Variants in NBAS observed in about 807,000 individuals in gnomAD.
NBAS encodes NBAS subunit of NRZ tethering complex, also known as NAG/BC035112 fusion.
Under a neutral mutation model 302.5 loss-of-function variants are expected in NBAS, and 219 were observed. The ratio of observed to expected loss-of-function variants is 0.72; its 90% CI spans 0.65 to 0.81. The LOEUF is 0.81. NBAS is among the 30% of genes least tolerant of loss of function. NBAS has a pLI of 0.00. For missense variants in NBAS, 2,932 were observed against 2,841.6 expected (o/e 1.03, Z -0.72); for synonymous variants, 1,118 against 1,021.6 (o/e 1.09, Z -1.80).
chr2:15,295,860 C>T (rs569461342), intron 40 of NBAS, among the ~76,000 whole-genome samples: 1 of 152,110 alleles, frequency 6.6e-6, no homozygotes, highest in South Asian at 2.1e-4. Flanking sequence ...AAACAAGATA[C>T]CTCCTATCTA....
intron 12 of NBAS, among the ~76,000 whole-genome samples, chr2:15,481,526 A>G (rs1167672269): frequency 2.6e-5 from 4 of 152,132 alleles, no homozygotes; most frequent in Non-Finnish European, 5.9e-5. Context: ...CACCATGTGA[A>G]TACATTTCAA....
At chr2:15,445,622 T>A (rs1290818063) in intron 21 of NBAS, among the ~76,000 whole-genome samples, 1 of 151,752 alleles carries the variant, frequency 6.6e-6, no homozygotes, top group African/African-American at 2.4e-5. Flanking sequence ...AACCCGCACA[T>A]TGTGTCCATG....
the NBAS span, among the ~76,000 whole-genome samples, chr2:15,087,569 C>T: frequency 0.068 from 10,417 of 152,222 alleles, 862 homozygotes; most frequent in African/African-American, 0.18. Flanking sequence ...TAAATGTTCT[C>T]AGAGAACTCG....
At chr2:15,256,968 A>AT (rs1668628766) in intron 44 of NBAS, among the ~76,000 whole-genome samples, 1 of 151,914 alleles carries the variant, frequency 6.6e-6, no homozygotes, top group Non-Finnish European at 1.5e-5. Flanking sequence ...TTTGTTGAGG[A>AT]TTTTTGCATC....
chr2:15,459,540 G>A (rs1166882595), intron 21 of NBAS, among the ~76,000 whole-genome samples: 2 of 142,238 alleles, frequency 1.4e-5, no homozygotes, highest in African/African-American at 5.3e-5. Context: ...TGTCACCCAG[G>A]GGTGCGATAG....
intron 5 of NBAS, among the ~76,000 whole-genome samples, chr2:15,552,791 C>T (rs545189615): frequency 4.2e-5 from 5 of 118,908 alleles, no homozygotes; most frequent in Admixed American, 9.7e-5. Context: ...AAAAGCATAC[C>T]TATTTTTTTT....
chr2:14,799,411 C>A, the NBAS span, among the ~76,000 whole-genome samples: 5 of 151,992 alleles, frequency 3.3e-5, no homozygotes, highest in Non-Finnish European at 5.9e-5. Context: ...TATTTAATAG[C>A]CAGAGGACAA....
the NBAS span, among the ~76,000 whole-genome samples, chr2:14,789,052 C>A: frequency 6.6e-6 from 1 of 152,248 alleles, no homozygotes; most frequent in Admixed American, 6.5e-5. Context: ...GCCCCTCCCC[C>A]AGCCTCGCTG....
rs535775746 is a variant in NBAS, at chr2:15,179,363, G to C, written c.6712-247C>G. 2.2e-5 allele frequency: 11 copies of C among 505,952 alleles called. No homozygotes were observed. The Admixed American group carries it at 2.2e-4, about 10-fold the overall frequency. The allele number at this position is 505,952 out of a possible 1,614,324, so 31.3% of individuals were successfully genotyped here. A position where few individuals can be genotyped will look rare whatever the true frequency, so the allele number is the denominator to read the frequency against. On this transcript the variant is annotated intron_variant, in intron 50 of 51. Coordinates refer to ENST00000281513, the MANE Select transcript of NBAS (RefSeq NM_015909.4). ...GACAATATTGCTTTTTAATGGCTTT[G>C]TAATGCTCATTGTACAGATATAGTG...
the NBAS span, among the ~76,000 whole-genome samples, chr2:15,022,107 C>T: frequency 6.6e-6 from 1 of 152,118 alleles, no homozygotes; most frequent in Non-Finnish European, 1.5e-5. Context: ...GGGGTGTCAA[C>T]AGCTAAGAGT....
the NBAS span, among the ~76,000 whole-genome samples, chr2:15,033,418 TA>T: frequency 4.8e-5 from 1 of 20,888 alleles, no homozygotes; most frequent in South Asian, 1.9e-3. Context: ...CTTCAAACTT[TA>T]GACTTTAGAA....
the NBAS span, among the ~76,000 whole-genome samples, chr2:14,995,003 A>T: frequency 6.6e-6 from 1 of 151,948 alleles, no homozygotes; most frequent in Non-Finnish European, 1.5e-5. Flanking sequence ...TCCAGTTTCT[A>T]CCTCTCAGAG....
At chr2:15,322,007 C>G (rs1489299890) in intron 38 of NBAS, among the ~76,000 whole-genome samples, 1 of 152,116 alleles carries the variant, frequency 6.6e-6, no homozygotes, top group Admixed American at 6.6e-5. Context: ...CCATCAATGA[C>G]AGACCAGATT....
In NBAS at chr2:15,554,235, T is replaced by C. The variant is rs896685892; in HGVS notation, c.210-97A>G. 16 of 1,023,168 alleles carry C rather than the reference T, an allele frequency of 1.6e-5. No individual in the cohort carries two copies. The South Asian group carries it at 2.3e-4, about 14-fold the overall frequency. 63.4% of individuals were successfully genotyped at this position (1,023,168 alleles called of 1,614,324 possible). A position where few individuals can be genotyped will look rare whatever the true frequency, so the allele number is the denominator to read the frequency against. ...TATACTTATAGAGAGAGACACAGAT[T>C]TTTTTCCATTAGAATATAAAATTTG... On this transcript the variant is annotated intron_variant, in intron 3 of 51. Transcript: ENST00000281513.
At chr2:14,944,422 G>T in the NBAS span, among the ~76,000 whole-genome samples, 2 of 152,164 alleles carry the variant, frequency 1.3e-5, no homozygotes, top group African/African-American at 4.8e-5. Flanking sequence ...ACCCTACAAG[G>T]TCGGTACTCT....
At chr2:15,504,063 G>C in intron 11 of NBAS, 82 bp downstream of exon 11, 1 of 1,113,828 alleles carries the variant, frequency 9.0e-7, no homozygotes, top group South Asian at 1.2e-5. Flanking sequence ...AAAAATTCGA[G>C]GTTCATTCAG....
In NBAS at chr2:15,288,729, T is replaced by C. The variant is rs181625296; in HGVS notation, c.5028-1546A>G. 2.6e-5 allele frequency among the ~76,000 whole-genome samples: 4 copies of C among 152,318 alleles called. No individual in the cohort carries two copies. In the East Asian group the frequency reaches 7.7e-4, roughly 29 times the overall value. On this transcript the variant is annotated intron_variant, in intron 41 of 51. Transcript: ENST00000281513. ...ATGGAATTTTTAGTTGGAAGAATGG[T>C]GTGGGTGAAAGCACAGAGACAGAAA...
At chr2:15,421,707 C>T (rs984106307) in intron 23 of NBAS, among the ~76,000 whole-genome samples, 1 of 151,538 alleles carries the variant, frequency 6.6e-6, no homozygotes, top group Non-Finnish European at 1.5e-5. Context: ...AATCAACTTA[C>T]TTTCTTTATA....
At chr2:14,957,214 A>G in the NBAS span, among the ~76,000 whole-genome samples, 1 of 151,978 alleles carries the variant, frequency 6.6e-6, no homozygotes, top group Admixed American at 6.6e-5. Flanking sequence ...AAAGAGAGCT[A>G]TTTGGGAGGC....
Sources: gnomAD v4.1 joint callset for allele counts (sites outside exome capture counted in the v4.1 genomes callset) on GRCh38, gnomAD v4.1.1 for gene constraint, MANE v1.5 for transcripts, NCBI Gene and HGNC (gene_info 2026-07-23, HGNC 2026-07-21) for gene names.